ASXL3: variants seen among roughly 807,000 people sequenced by gnomAD.
The protein encoded by ASXL3 is putative Polycomb group protein ASXL3.
In ASXL3, 34 loss-of-function variants were observed where a neutral mutation model predicts 170.6. The observed-to-expected ratio is 0.20, with a 90% CI of 0.15 to 0.27. The LOEUF (loss-of-function observed/expected upper bound fraction) is 0.27. Among genes scored for constraint, ASXL3 ranks in the 10% least tolerant of loss-of-function variants. ASXL3 has a pLI of 1.00. For missense variants in ASXL3, 2,592 were observed against 2,695.3 expected (o/e 0.96, Z 0.85); for synonymous variants, 1,002 against 989.1 (o/e 1.01, Z -0.24).
intron 1 of ASXL3, among the ~76,000 whole-genome samples, chr18:33,606,494 G>A (rs909221817): frequency 6.6e-6 from 1 of 151,970 alleles, no homozygotes; most frequent in Admixed American, 6.6e-5. Flanking sequence ...TTGTGAATCA[G>A]TTGAAATTTG....
chr18:33,701,696 T>C (rs1175080865), intron 8 of ASXL3, among the ~76,000 whole-genome samples: 2 of 152,136 alleles, frequency 1.3e-5, no homozygotes, highest in African/African-American at 4.8e-5. Flanking sequence ...TACCAGAATG[T>C]GTCTGGGTAT....
chr18:33,587,052 T>C (rs558117090), intron 1 of ASXL3, among the ~76,000 whole-genome samples: 17 of 152,290 alleles, frequency 1.1e-4, no homozygotes, highest in African/African-American at 3.9e-4. Context: ...CTAACCTCTT[T>C]TCCAAATCTT....
At chr18:33,590,455 A>G (rs1387183757) in intron 1 of ASXL3, among the ~76,000 whole-genome samples, 1 of 152,136 alleles carries the variant, frequency 6.6e-6, no homozygotes, top group Non-Finnish European at 1.5e-5. Flanking sequence ...GCACCAATAA[A>G]AGGCAGATGG....
intron 4 of ASXL3, among the ~76,000 whole-genome samples, chr18:33,658,961 CATATATAAA>C (rs1269872988): frequency 4.6e-5 from 7 of 152,034 alleles, no homozygotes; most frequent in Non-Finnish European, 1.0e-4. Flanking sequence ...TTGGATACAA[CATATATAAA>C]TAGATGTCAA....
In ASXL3 at chr18:33,744,441, A is replaced by C. The variant is rs1319227366; in HGVS notation, c.4593A>C (p.Glu1531Asp). The C allele has an allele frequency of 6.2e-7, 1 of 1,613,576 alleles. No individual in the cohort carries two copies. The highest frequency in any genetic ancestry group is 8.5e-7 in the Non-Finnish European group (1 of 1,179,830). Residue 1531 changes from glutamate to aspartate, a missense_variant, in exon 12 of 12, where the codon GAA (glutamate) becomes GAC (aspartate). Around this residue, in one of 4 missense-constraint regions of ASXL3, gnomAD observed 2,246 missense variants for 2,219.6 expected, o/e 1.01. Transcript: ENST00000269197. ...GCAGGCCTGAGCCAGTTGCCAACGAAGGTATAGATCACAGTTCCACTTTCA... is the reference window on the plus strand; with the variant it reads ...GCAGGCCTGAGCCAGTTGCCAACGACGGTATAGATCACAGTTCCACTTTCA... Reference protein sequence around the residue: ...VISRPEPVANEGIDHSSTFIA... With the variant: ...VISRPEPVANDGIDHSSTFIA...
Position 33,578,612 on chromosome 18 carries a change from A to C in ASXL3, c.-20A>C, listed in dbSNP as rs745379664. 21 of 1,317,392 alleles carry C rather than the reference A, an allele frequency of 1.6e-5. No homozygotes were observed. Among genetic ancestry groups the C allele is most frequent in the Admixed American group, 2.3e-5 (1 of 43,358 alleles). The allele number at this position is 1,317,392 out of a possible 1,614,324, so 81.6% of individuals were successfully genotyped here. ...TGGAATCCCCCACGTCATCATCAGAACCATCAATGAGATGCAAACATGAAA... is the reference window on the plus strand; with the variant it reads ...TGGAATCCCCCACGTCATCATCAGACCCATCAATGAGATGCAAACATGAAA... On this transcript the variant is annotated 5_prime_UTR_variant, in exon 1 of 12. Coordinates refer to ENST00000269197, the MANE Select transcript of ASXL3 (RefSeq NM_030632.3).
At chr18:33,632,219 A>G (rs2065688847) in intron 2 of ASXL3, among the ~76,000 whole-genome samples, 2 of 152,226 alleles carry the variant, frequency 1.3e-5, no homozygotes, top group South Asian at 4.1e-4. Flanking sequence ...TAGGGTATAT[A>G]TCATATTATA....
In ASXL3 at chr18:33,601,785, G is replaced by GTATATATATATATATATATATATA. The variant is rs1555717840; in HGVS notation, c.55-5799_55-5798insTATATATATATATATATATATATA. ...TGAGAATTTAAGTAAATATCTGATTGTATATATATAGTTTGTTTGTTTTGA... is the reference window on the plus strand; with the variant it reads ...TGAGAATTTAAGTAAATATCTGATTGTATATATATATATATATATATATATATATATATAGTTTGTTTGTTTTGA... On this transcript the variant is annotated intron_variant, in intron 1 of 11. Coordinates refer to ENST00000269197, the MANE Select transcript of ASXL3 (RefSeq NM_030632.3). Among the ~76,000 whole-genome samples the GTATATATATATATATATATATATA allele has an allele frequency of 1.8e-3, 184 of 103,932 alleles. 20 individuals carry two copies. The highest frequency in any genetic ancestry group is 3.3e-3 in the African/African-American group (96 of 28,854). 68.2% of individuals were successfully genotyped at this position (103,932 alleles called of 152,430 possible). A position where few individuals can be genotyped will look rare whatever the true frequency, so the allele number is the denominator to read the frequency against.
intron 2 of ASXL3, among the ~76,000 whole-genome samples, chr18:33,608,223 A>G (rs565975106): frequency 6.6e-6 from 1 of 152,008 alleles, no homozygotes; most frequent in South Asian, 2.1e-4. Context: ...ACATTATCAA[A>G]CTTTAGAACA....
intron 2 of ASXL3, chr18:33,641,867 G>A (rs2065851404): frequency 6.6e-6 from 1 of 152,332 alleles, no homozygotes. Context: ...TTAAAACTTG[G>A]ATGTTTTATT....
chr18:33,687,695 C>T (rs953506099), intron 8 of ASXL3, among the ~76,000 whole-genome samples: 12 of 152,194 alleles, frequency 7.9e-5, no homozygotes, highest in Non-Finnish European at 1.8e-4. Context: ...TTGTACTTCT[C>T]ATTCTGTTTT....
At chr18:33,615,479 C>A (rs1184828139) in intron 2 of ASXL3, among the ~76,000 whole-genome samples, 1 of 152,082 alleles carries the variant, frequency 6.6e-6, no homozygotes, top group Non-Finnish European at 1.5e-5. Context: ...GACAAAGTTT[C>A]AAATATTGTG....
chr18:33,734,147 T>TTAGCATTCTTCTAAAGCATTTA (rs1599557099), intron 9 of ASXL3, among the ~76,000 whole-genome samples, 163 bp from the exon 10 acceptor site: 1 of 152,040 alleles, frequency 6.6e-6, no homozygotes, highest in African/African-American at 2.4e-5. Context: ...ATGAACATCT[T>TTAGCATTCTTCTAAAGCATTTA]GAGTGATGTT....
intron 9 of ASXL3, 97 bp downstream of exon 9, chr18:33,732,161 C>A: frequency 1.2e-6 from 1 of 869,150 alleles, no homozygotes; most frequent in Non-Finnish European, 1.7e-6. Flanking sequence ...TTCCCCGACA[C>A]AGTACACTTT....
At position 33,749,585 on chromosome 18, in the gene ASXL3, G is replaced by A. The variant is rs913425190; in HGVS notation, c.*2990G>A. The A allele has an allele frequency of 6.6e-6, 1 of 151,792 alleles. No individual in the cohort carries two copies. Among genetic ancestry groups the A allele is most frequent in the Non-Finnish European group, 1.5e-5 (1 of 67,964 alleles). The allele number at this position is 151,792 out of a possible 1,614,324, so 9.4% of individuals were successfully genotyped here. On this transcript the variant is annotated 3_prime_UTR_variant, in exon 12 of 12. Transcript: ENST00000269197. Reference sequence around the variant, plus strand: ...ATAAAGACATTTAGGTTAGTTAATGGGCATGTTAATAAGAGCATTGTGATG... The same window carrying A: ...ATAAAGACATTTAGGTTAGTTAATGAGCATGTTAATAAGAGCATTGTGATG...
chr18:33,728,325 T>A lies in ASXL3; in HGVS notation c.880-3643T>A, dbSNP rs149717544. 5.3e-3 allele frequency among the ~76,000 whole-genome samples: 801 copies of A among 152,288 alleles called. 7 individuals are homozygous for A. The highest frequency in any genetic ancestry group is 0.019 in the African/African-American group (772 of 41,572). On this transcript the variant is annotated intron_variant, in intron 8 of 11. Transcript: ENST00000269197. ...ATACATGTACTCCACAATGAGTAAC[T>A]CTTTCTACCTCTTCAGAGAACTTGC...
intron 4 of ASXL3, among the ~76,000 whole-genome samples, chr18:33,654,279 T>C (rs2066047613): frequency 6.6e-6 from 1 of 152,002 alleles, no homozygotes; most frequent in South Asian, 2.1e-4. Flanking sequence ...GAATTGAAGG[T>C]ATTCCCTCAA....
chr18:33,662,549 G>A (rs551830036), intron 5 of ASXL3, among the ~76,000 whole-genome samples: 2 of 152,268 alleles, frequency 1.3e-5, no homozygotes, highest in South Asian at 4.1e-4. Context: ...GCTAAATTGT[G>A]CAGAGAAGAA....
At chr18:33,596,432 T>C (rs567645174) in intron 1 of ASXL3, among the ~76,000 whole-genome samples, 80 of 152,286 alleles carry the variant, frequency 5.3e-4, no homozygotes, top group Non-Finnish European at 8.2e-4. Context: ...CCATCTATAG[T>C]CAGGAGAAAA....
Sources: gnomAD v4.1 joint callset for allele counts (sites outside exome capture counted in the v4.1 genomes callset) on GRCh38, gnomAD v4.1.1 for gene constraint, gnomAD v4.1.1 regional missense constraint, MANE v1.5 for transcripts, NCBI Gene and HGNC (gene_info 2026-07-23, HGNC 2026-07-21) for gene names.